The following PREX2 variants were observed in gnomAD, a reference collection of about 807,000 sequenced individuals.
PREX2 encodes phosphatidylinositol-3,4,5-trisphosphate dependent Rac exchange factor 2, also known as phosphatidylinositol 3,4,5-trisphosphate-dependent Rac exchanger 2 protein.
Under a neutral mutation model 203.2 loss-of-function variants are expected in PREX2, and 107 were observed. The ratio of observed to expected loss-of-function variants is 0.53; its 90% confidence interval spans 0.45 to 0.62. The LOEUF (loss-of-function observed/expected upper bound fraction) is 0.62, where lower values mean the gene tolerates loss of function less well. Among genes scored for constraint, PREX2 ranks in the 20% least tolerant of loss-of-function variants. The pLI is 0.00. For synonymous variants in PREX2, 672 were observed against 663.6 expected (o/e 1.01, Z -0.19); for missense variants, 1,777 against 1,955.9 (o/e 0.91, Z 1.72).
At position 68,235,654 on chromosome 8, in the gene PREX2, G is replaced by C. The variant is rs1036135458; in HGVS notation, c.*4276G>C. On this transcript the variant is annotated 3_prime_UTR_variant, in exon 40 of 40. Transcript: ENST00000288368. ...AACAGGTGGGGGAAAATTACAAGAG[G>C]GGTCTGTACCAAAAATGGCCCCAGG... The C allele has an allele frequency of 5.3e-5, 8 of 152,068 alleles. No individual in the cohort carries two copies. Among genetic ancestry groups the C allele is most frequent in the African/African-American group, 1.2e-4 (5 of 41,404 alleles). The allele number at this position is 152,068 out of a possible 1,614,324, so 9.4% of individuals were successfully genotyped here. A position where few individuals can be genotyped will look rare whatever the true frequency, so the allele number is the denominator to read the frequency against.
At chr8:68,084,748 G>A (rs2129612038) in intron 18 of PREX2, among the ~76,000 whole-genome samples, 1 of 152,266 alleles carries the variant, frequency 6.6e-6, no homozygotes, top group Non-Finnish European at 1.5e-5. Flanking sequence ...CTGTCTAGGA[G>A]AAGACTGTCC....
At chr8:68,127,441 T>A in intron 31 of PREX2, 22 bp downstream of exon 31, 1 of 1,573,894 alleles carries the variant, frequency 6.4e-7, no homozygotes. Context: ...CATTTTATTT[T>A]TTTTTACTAT....
chr8:68,115,770 C>G lies in PREX2; in HGVS notation c.3164C>G (p.Thr1055Arg). ...CATTGCAGCCTTCTGTCTTCAATAA[C>G]ATATTCTCCTAAATTAGAACGTAAG... ...CQIDDLLSSI[T>R]YSPKLERKTS... The change falls in exon 26 of 40, where the codon ACA becomes AGA. Residue 1055 changes from threonine (T) to arginine (R), a missense_variant. Coordinates refer to ENST00000288368, the MANE Select transcript of PREX2 (RefSeq NM_024870.4). 1 of 1,607,632 alleles carries G rather than the reference C, an allele frequency of 6.2e-7. No homozygotes were observed. Among genetic ancestry groups the G allele is most frequent in the Non-Finnish European group, 8.5e-7 (1 of 1,177,836 alleles).
chr8:68,024,333 A>G (rs1373738452), intron 4 of PREX2, among the ~76,000 whole-genome samples: 2 of 151,846 alleles, frequency 1.3e-5, no homozygotes, highest in Admixed American at 6.6e-5. Flanking sequence ...AACTCTGTCC[A>G]TTTTTGTTTG....
At position 68,201,198 on chromosome 8, in the gene PREX2, C is replaced by T. The variant is rs371517629; in HGVS notation, c.4604+8673C>T. Among the ~76,000 whole-genome samples the T allele has an allele frequency of 7.2e-5, 11 of 151,938 alleles. No individual in the cohort carries two copies. In the East Asian group the frequency reaches 9.7e-4, roughly 13 times the overall value. On this transcript the variant is annotated intron_variant, in intron 37 of 39. Coordinates refer to ENST00000288368, the MANE Select transcript of PREX2 (RefSeq NM_024870.4). The stretch of plus-strand genomic sequence containing the variant: ...GTTTTTTAACTACTCTAATAAGTGA[C>T]GTAAGATAAATTTTCCATCTTCCAG...
At chr8:68,080,413 G>A (rs1364462829) in intron 15 of PREX2, 30 bp from the exon 16 acceptor site, 4 of 1,603,286 alleles carry the variant, frequency 2.5e-6, no homozygotes, top group Non-Finnish European at 3.4e-6. Flanking sequence ...TGAATTAGCT[G>A]AAATAATTTG....
chr8:68,105,862 T>A (rs1289833254), intron 23 of PREX2: 2 of 151,796 alleles, frequency 1.3e-5, no homozygotes, highest in Non-Finnish European at 2.9e-5. Flanking sequence ...TCAGAATACA[T>A]CCCCGTTGTT....
rs143845578 is a variant in PREX2, at chr8:68,000,502, C to G, written c.142-17344C>G. On this transcript the variant is annotated intron_variant, in intron 1 of 39. Transcript: ENST00000288368. ...GCTCATGGATAGGAAGAATCCATAT[C>G]ATTTAAACGTCCATACTGCCCAAAA... is the stretch of plus-strand genomic sequence containing the variant. Among the ~76,000 whole-genome samples the G allele has an allele frequency of 2.8e-3, 432 of 152,276 alleles. 2 individuals carry two copies. The highest frequency in any genetic ancestry group is 0.017 in the Middle Eastern group (5 of 294).
At chr8:68,090,535 T>G (rs1407449404) in intron 19 of PREX2, 44 bp from the exon 20 acceptor site, 1 of 1,547,662 alleles carries the variant, frequency 6.5e-7, no homozygotes, top group African/African-American at 1.4e-5. Context: ...ATGAATCTTA[T>G]TCCTGAAATT....
At position 68,109,191 on chromosome 8, in the gene PREX2, T is replaced by C. The variant is rs146610233; in HGVS notation, c.2939-225T>C. On this transcript the variant is annotated intron_variant, in intron 24 of 39. Coordinates refer to ENST00000288368, the MANE Select transcript of PREX2 (RefSeq NM_024870.4). ...TTGATAAATCCTAAGAGAGTGGGTA[T>C]AAAGTGCTCTCAGCACCAACATGAT... Among the ~76,000 whole-genome samples, 731 of 152,286 alleles carry C rather than the reference T, an allele frequency of 4.8e-3. 4 individuals carry two copies. Among genetic ancestry groups the C allele is most frequent in the Non-Finnish European group, 6.7e-3 (455 of 68,020 alleles).
chr8:68,184,757 GA>G (rs140774746), intron 35 of PREX2, among the ~76,000 whole-genome samples: 1,584 of 152,158 alleles, frequency 0.01, 22 homozygotes, highest in African/African-American at 0.036. Flanking sequence ...GAAACGGGGG[GA>G]AAAAGTTTGC....
intron 8 of PREX2, 58 bp downstream of exon 8, chr8:68,044,648 A>G (rs1808296892): frequency 8.4e-7 from 1 of 1,193,328 alleles, no homozygotes. Flanking sequence ...ACTCCTTTGT[A>G]AGACAGATTT....
intron 38 of PREX2, among the ~76,000 whole-genome samples, chr8:68,219,070 C>G (rs558610449): frequency 1.3e-5 from 2 of 152,156 alleles, no homozygotes; most frequent in Admixed American, 1.3e-4. Context: ...AATTGCCTTT[C>G]TGTTTGATTA....
intron 1 of PREX2, among the ~76,000 whole-genome samples, chr8:67,990,763 T>C (rs892919970): frequency 6.6e-6 from 1 of 151,954 alleles, no homozygotes; most frequent in Non-Finnish European, 1.5e-5. Flanking sequence ...TCTGCCCACC[T>C]CAGTCTCCTG....
chr8:68,038,031 C>T lies in PREX2; in HGVS notation c.706-128C>T, dbSNP rs191700489. On this transcript the variant is annotated intron_variant, in intron 6 of 39. Transcript: ENST00000288368. ...AATCAGTGTATAACTATCTCTACTG[C>T]TTGCACTTTAGCCTGTGCATAGCTT... 2.4e-4 allele frequency: 231 copies of T among 945,104 alleles called. 1 individual carries two copies. The African/African-American group carries it at 3.4e-3, about 14-fold the overall frequency. The allele number at this position is 945,104 out of a possible 1,614,324, so 58.5% of individuals were successfully genotyped here.
At chr8:68,036,584 A>G (rs903202279) in intron 6 of PREX2, among the ~76,000 whole-genome samples, 3 of 150,856 alleles carry the variant, frequency 2.0e-5, no homozygotes, top group Admixed American at 6.6e-5. Context: ...GATAAAGTAC[A>G]TGAAATTCTG....
chr8:68,178,975 A>T (rs961509706), intron 35 of PREX2, among the ~76,000 whole-genome samples: 2 of 152,182 alleles, frequency 1.3e-5, no homozygotes, highest in African/African-American at 4.8e-5. Flanking sequence ...AAAATATTGC[A>T]GAGATGACAG....
At chr8:68,037,508 C>T (rs1271050258) in intron 6 of PREX2, among the ~76,000 whole-genome samples, 1 of 152,096 alleles carries the variant, frequency 6.6e-6, no homozygotes, top group Non-Finnish European at 1.5e-5. Context: ...TCTTGTGGCT[C>T]CTCTTCAGTT....
intron 33 of PREX2, among the ~76,000 whole-genome samples, chr8:68,140,751 A>G (rs1811213288): frequency 1.3e-5 from 2 of 152,216 alleles, no homozygotes; most frequent in African/African-American, 4.8e-5. Flanking sequence ...AAGATAATGT[A>G]TTTGAAAGAC....
Sources: allele counts gnomAD v4.1 joint callset (sites outside exome capture counted in the v4.1 genomes callset), GRCh38; gene constraint gnomAD v4.1.1; transcripts MANE v1.5; gene names NCBI Gene and HGNC (gene_info 2026-07-23, HGNC 2026-07-21).